CSMD1: variants seen among roughly 807,000 people sequenced by gnomAD.
The protein encoded by CSMD1 is CUB and Sushi multiple domains 1, also known as CUB and sushi domain-containing protein 1.
A neutral mutation model predicts 417.5 loss-of-function variants in CSMD1; 213 were observed. That is an observed-to-expected ratio of 0.51 (90% CI 0.46 to 0.57). The LOEUF is 0.57. CSMD1 is among the 20% of genes least tolerant of loss of function. The pLI is 0.00. For missense variants in CSMD1, 6,923 were observed against 4,529.7 expected (o/e 1.53, Z -15.17); for synonymous variants, 2,862 against 1,736.8 (o/e 1.65, Z -16.11).
intron 10 of CSMD1, among the ~76,000 whole-genome samples, chr8:3,497,758 T>C (rs919194815): frequency 7.2e-5 from 11 of 152,238 alleles, no homozygotes; most frequent in Admixed American, 2.6e-4. Context: ...GTCACTTGGT[T>C]ATTTCTGTTC....
intron 12 of CSMD1, among the ~76,000 whole-genome samples, chr8:3,465,601 G>C (rs148091329): frequency 7.4e-4 from 113 of 152,266 alleles, no homozygotes; most frequent in African/African-American, 2.6e-3. Flanking sequence ...CTTAGGGTTA[G>C]AAGTGTGATC....
intron 6 of CSMD1, among the ~76,000 whole-genome samples, chr8:3,751,555 C>G (rs1024278271): frequency 1.3e-5 from 2 of 149,772 alleles, no homozygotes; most frequent in Non-Finnish European, 1.5e-5. Flanking sequence ...GTGTGTATAA[C>G]GTACGTACAG....
chr8:4,068,192 G>A (rs1267688164), intron 3 of CSMD1, among the ~76,000 whole-genome samples: 2 of 152,186 alleles, frequency 1.3e-5, no homozygotes, highest in South Asian at 2.1e-4. Flanking sequence ...GGTGGCAGAA[G>A]GGCAGAAAAA....
At chr8:3,399,347 GAC>G in intron 16 of CSMD1, 42 bp downstream of exon 16, 1 of 1,530,046 alleles carries the variant, frequency 6.5e-7, no homozygotes, top group Non-Finnish European at 8.8e-7. Context: ...CTATGGAAGA[GAC>G]ACACACCATT....
chr8:4,040,884 G>T (rs1797851246), intron 3 of CSMD1, among the ~76,000 whole-genome samples: 2 of 152,064 alleles, frequency 1.3e-5, no homozygotes, highest in South Asian at 4.2e-4. Flanking sequence ...TGTTCACTAT[G>T]TAAATGGCTC....
chr8:3,136,473 C>A (rs113881972), intron 41 of CSMD1, among the ~76,000 whole-genome samples: 1 of 151,962 alleles, frequency 6.6e-6, no homozygotes, highest in Non-Finnish European at 1.5e-5. Flanking sequence ...CCATGTTGGC[C>A]AGGCTGATCT....
intron 49 of CSMD1, among the ~76,000 whole-genome samples, chr8:3,062,570 G>A (rs1469087676): frequency 2.3e-5 from 3 of 131,494 alleles, no homozygotes; most frequent in Admixed American, 1.5e-4. Flanking sequence ...AAAAAAAAAA[G>A]CCCAGCAGCT....
At chr8:2,964,525 A>G (rs1379994213) in intron 59 of CSMD1, among the ~76,000 whole-genome samples, 1 of 151,678 alleles carries the variant, frequency 6.6e-6, no homozygotes, top group African/African-American at 2.4e-5. Flanking sequence ...TCTGGTAGGG[A>G]CTTGCTGGCC....
chr8:4,768,267 C>A (rs1796418194), intron 1 of CSMD1, among the ~76,000 whole-genome samples: 1 of 152,076 alleles, frequency 6.6e-6, no homozygotes, highest in South Asian at 2.1e-4. Context: ...CAGCCCCTAA[C>A]CTCCGAGAGA....
At chr8:4,246,555 G>A (rs1000987210) in intron 3 of CSMD1, among the ~76,000 whole-genome samples, 12 of 151,998 alleles carry the variant, frequency 7.9e-5, no homozygotes, top group Admixed American at 2.6e-4. Flanking sequence ...TTTCATGAGG[G>A]TTTTCTTTAA....
At chr8:4,848,936 G>C (rs1393117571) in intron 1 of CSMD1, among the ~76,000 whole-genome samples, 5 of 152,298 alleles carry the variant, frequency 3.3e-5, no homozygotes, top group East Asian at 1.9e-4. Context: ...GAAGGTACTT[G>C]TTCTACTTAT....
chr8:4,916,054 A>T (rs1806048085), intron 1 of CSMD1, among the ~76,000 whole-genome samples: 1 of 152,212 alleles, frequency 6.6e-6, no homozygotes, highest in Admixed American at 6.5e-5. Context: ...TGCCCTGGAA[A>T]GGCAACGCCA....
chr8:3,325,697 G>A (rs191673754), intron 23 of CSMD1, among the ~76,000 whole-genome samples: 8 of 152,186 alleles, frequency 5.3e-5, no homozygotes, highest in East Asian at 3.9e-4. Context: ...GGTGGCAGGC[G>A]CCTATAATCC....
At chr8:4,027,387 T>C (rs1185989170) in intron 4 of CSMD1, among the ~76,000 whole-genome samples, 1 of 152,022 alleles carries the variant, frequency 6.6e-6, no homozygotes, top group African/African-American at 2.4e-5. Context: ...AATCCCCTAA[T>C]CCCCATGAGT....
intron 6 of CSMD1, among the ~76,000 whole-genome samples, chr8:3,714,988 T>C (rs1243525100): frequency 6.6e-6 from 1 of 152,212 alleles, no homozygotes; most frequent in Non-Finnish European, 1.5e-5. Flanking sequence ...AATTATTTTC[T>C]AATATTAGAA....
At chr8:3,833,734 T>C (rs1802502425) in intron 5 of CSMD1, among the ~76,000 whole-genome samples, 1 of 152,154 alleles carries the variant, frequency 6.6e-6, no homozygotes, top group Non-Finnish European at 1.5e-5. Flanking sequence ...ATGTTGGCAC[T>C]TACATGGATA....
intron 1 of CSMD1, among the ~76,000 whole-genome samples, chr8:4,989,516 A>G (rs943121718): frequency 2.0e-5 from 3 of 152,188 alleles, no homozygotes; most frequent in Admixed American, 6.5e-5. Context: ...ATAAAACTTA[A>G]ATTAAAAAAG....
Position 4,326,151 on chromosome 8 carries a change from T to G in CSMD1, c.415+93802A>C, listed in dbSNP as rs139049118. Among the ~76,000 whole-genome samples, 508 of 152,152 alleles carry G rather than the reference T, an allele frequency of 3.3e-3. 3 individuals are homozygous for G. Among genetic ancestry groups the G allele is most frequent in the African/African-American group, 0.012 (495 of 41,520 alleles). ...CGTTTCTGAAATATTCAGTTTAGAG[T>G]TGTGCCAGAGAATTTGGCTTTCTAA... On this transcript the variant is annotated intron_variant, in intron 3 of 69. Transcript: ENST00000635120.
chr8:4,554,983 C>G (rs560216945), intron 2 of CSMD1, among the ~76,000 whole-genome samples: 2 of 152,214 alleles, frequency 1.3e-5, no homozygotes, highest in African/African-American at 4.8e-5. Flanking sequence ...ACCAGGGCCC[C>G]TGAGGAACAC....
Sources: gnomAD v4.1 joint callset for allele counts (sites outside exome capture counted in the v4.1 genomes callset) on GRCh38, gnomAD v4.1.1 for gene constraint, MANE v1.5 for transcripts, NCBI Gene and HGNC (gene_info 2026-07-23, HGNC 2026-07-21) for gene names.